Variants in ZNF331 observed in about 807,000 individuals in gnomAD.
The protein encoded by ZNF331 is C2H2-like zinc finger protein rearranged in thyroid adenomas.
In ZNF331, 2 loss-of-function variants were observed where a neutral mutation model predicts 7.0. The ratio of observed to expected loss-of-function variants is 0.29; its 90% CI spans 0.12 to 0.90. The LOEUF (loss-of-function observed/expected upper bound fraction) is 0.90, where lower values mean the gene tolerates loss of function less well. ZNF331 is among the 40% of genes least tolerant of loss of function. The probability of loss-of-function intolerance (pLI) is 0.58; values close to 1 mark genes in which losing one functional copy is unlikely to be tolerated. For synonymous variants in ZNF331, 196 were observed against 205.4 expected, an observed-to-expected ratio of 0.95 and a Z score of 0.39; for missense variants, 432 against 587.7, an observed-to-expected ratio of 0.74 and a Z score of 2.74.
rs181309008 is a variant in ZNF331 at position 53,548,182 on chromosome 19, C to T, written c.-137-7663C>T. On this transcript the variant is annotated intron_variant, in intron 2 of 5. Transcript: ENST00000449416. ...GGAGTGCAGTGGCGTGATCTCGGCTCACTGCAACCTCCGCCTCCCGGGTTC... is the reference window on the plus strand; with the variant it reads ...GGAGTGCAGTGGCGTGATCTCGGCTTACTGCAACCTCCGCCTCCCGGGTTC... 1.7e-3 allele frequency among the ~76,000 whole-genome samples: 254 copies of T among 152,138 alleles called. 8 individuals carry two copies. The East Asian group carries it at 0.046, about 27-fold the overall frequency.
rs148864558 is a variant in ZNF331 at position 53,556,887 on chromosome 19, C to T, written c.-74+979C>T. On this transcript the variant is annotated intron_variant, in intron 3 of 5. Transcript: ENST00000449416. ...GTGGCACAATCTTGGCTCACTTCAA[C>T]CTCTGCTTTCTGGGCTCAAGCAATC... Among the ~76,000 whole-genome samples the T allele has an allele frequency of 6.8e-4, 103 of 151,656 alleles. 2 individuals are homozygous for T. The highest frequency in any genetic ancestry group is 5.8e-3 in the South Asian group (28 of 4,814).
chr19:53,551,493 T>C (rs140414382), intron 2 of ZNF331, among the ~76,000 whole-genome samples: 392 of 152,244 alleles, frequency 2.6e-3, no homozygotes, highest in Non-Finnish European at 4.4e-3. Context: ...CAGTGATCTT[T>C]GTCTTGTTTT....
chr19:53,559,425 A>G (rs1256168560), intron 3 of ZNF331, among the ~76,000 whole-genome samples: 2 of 150,498 alleles, frequency 1.3e-5, no homozygotes, highest in Admixed American at 1.3e-4. Context: ...CACATCGTAC[A>G]CACACACCAT....
chr19:53,573,068 A>C lies in ZNF331; in HGVS notation c.136+1338A>C, dbSNP rs2090540952. On this transcript the variant is annotated intron_variant, in intron 5 of 5. Coordinates refer to ENST00000449416, the MANE Select transcript of ZNF331 (RefSeq NM_001079906.2). This position sits in a 1 kb window ranked among gnomAD's most constrained non-coding sequence, Gnocchi z 4.2. ...ACCCTGTCTCTACTAAAAATATAAA[A>C]ATTAGCCGGGCATGGTGGCGCACGC... Among the ~76,000 whole-genome samples the C allele has an allele frequency of 6.6e-6, 1 of 152,052 alleles. No homozygotes were observed. Among genetic ancestry groups the C allele is most frequent in the Non-Finnish European group, 1.5e-5 (1 of 68,032 alleles).
chr19:53,513,013 G>C, the ZNF331 span, among the ~76,000 whole-genome samples: 2 of 151,758 alleles, frequency 1.3e-5, no homozygotes, highest in Admixed American at 6.6e-5. Context: ...TCGTTCCCAC[G>C]GACCATGCTC....
chr19:53,562,804 A>G (rs1421177007), intron 3 of ZNF331, among the ~76,000 whole-genome samples: 3 of 151,932 alleles, frequency 2.0e-5, no homozygotes, highest in Non-Finnish European at 4.4e-5. Context: ...ACTGGCCAAC[A>G]TGGTGAAACC....
rs73051595 is a variant in ZNF331 at position 53,578,264 on chromosome 19, C to T, written c.*312C>T. On this transcript the variant is annotated 3_prime_UTR_variant, in exon 6 of 6. Coordinates refer to ENST00000449416, the MANE Select transcript of ZNF331 (RefSeq NM_001079906.2). ...CAGCATCACAGTGCCTGTGCCCAAG[C>T]AGTCCTCACTTTGCTTAACAGTGGC... 16,830 of 335,674 alleles carry T rather than the reference C, an allele frequency of 0.05. 518 individuals carry two copies. The highest frequency in any genetic ancestry group is 0.065 in the Non-Finnish European group (11,692 of 179,952). 20.8% of individuals were successfully genotyped at this position (335,674 alleles called of 1,614,324 possible). A position where few individuals can be genotyped will look rare whatever the true frequency, so the allele number is the denominator to read the frequency against.
At chr19:53,509,696 G>T in the ZNF331 span, among the ~76,000 whole-genome samples, 1 of 152,182 alleles carries the variant, frequency 6.6e-6, no homozygotes, top group African/African-American at 2.4e-5. Flanking sequence ...TGGTAGGGCT[G>T]ATCTGCAGAG....
Position 53,539,679 on chromosome 19 carries a change from A to T in ZNF331, c.-138+397A>T, listed in dbSNP as rs1195906854. ...TCCAAGGGACATTCTGTGTATATTT[A>T]CTGTATGTGATTATCAGTGTTAGTG... On this transcript the variant is annotated intron_variant, in intron 2 of 5. Transcript: ENST00000449416. This position sits in a 1 kb window ranked among gnomAD's most constrained non-coding sequence, Gnocchi z 6.1. 6.6e-6 allele frequency among the ~76,000 whole-genome samples: 1 copy of T among 152,116 alleles called. No homozygotes were observed. The highest frequency in any genetic ancestry group is 1.9e-4 in the East Asian group (1 of 5,190).
intron 4 of ZNF331, among the ~76,000 whole-genome samples, chr19:53,570,730 G>A (rs745359829): frequency 5.9e-5 from 9 of 151,686 alleles, no homozygotes; most frequent in Non-Finnish European, 8.8e-5. Flanking sequence ...CGAGGTTTCT[G>A]CATGTTGGTC....
chr19:53,568,530 C>G (rs1211480933), intron 3 of ZNF331, among the ~76,000 whole-genome samples: 3 of 152,082 alleles, frequency 2.0e-5, no homozygotes, highest in Non-Finnish European at 4.4e-5. Context: ...AAGCTCCTAC[C>G]CCGAATCCCT....
the ZNF331 span, among the ~76,000 whole-genome samples, chr19:53,506,456 C>CTCTCTCTCTCTCTG: frequency 1.8e-4 from 18 of 102,020 alleles, no homozygotes; most frequent in Non-Finnish European, 2.1e-4. Flanking sequence ...CTCTCTCTCT[C>CTCTCTCTCTCTCTG]TCTCTCTCTC....
chr19:53,508,434 A>G, the ZNF331 span, among the ~76,000 whole-genome samples: 1 of 152,188 alleles, frequency 6.6e-6, no homozygotes, highest in Non-Finnish European at 1.5e-5. Context: ...TCTACTAAAA[A>G]TGGGCCAACT....
upstream of ZNF331, among the ~76,000 whole-genome samples, chr19:53,515,747 T>C (rs1381352222): frequency 6.6e-6 from 1 of 152,180 alleles, no homozygotes; most frequent in Non-Finnish European, 1.5e-5. Flanking sequence ...TCCGCCTTCC[T>C]CGGCCTCCCA....
At chr19:53,551,022 G>C (rs2088971554) in intron 2 of ZNF331, among the ~76,000 whole-genome samples, 1 of 151,346 alleles carries the variant, frequency 6.6e-6, no homozygotes. Context: ...TAGTAGAGAT[G>C]GGGTTTCACC....
intron 2 of ZNF331, among the ~76,000 whole-genome samples, chr19:53,541,522 C>G (rs1369763587): frequency 2.0e-5 from 3 of 152,144 alleles, no homozygotes; most frequent in African/African-American, 4.8e-5. Context: ...TCACAGCAGC[C>G]TCAATCTCCT....
In ZNF331 at chr19:53,558,925, CACAT is replaced by C. The variant is rs1471037950; in HGVS notation, c.-74+3021_-74+3024del. On this transcript the variant is annotated intron_variant, in intron 3 of 5. Transcript: ENST00000449416. This position sits in a 1 kb window ranked among gnomAD's most constrained non-coding sequence, Gnocchi z 4.5. ...CTATACACACCTACATATATACACA[CACAT>C]ACACACCATACACACATATACACAT... 3.0e-5 allele frequency among the ~76,000 whole-genome samples: 4 copies of C among 134,958 alleles called. No homozygotes were observed. The highest frequency in any genetic ancestry group is 6.4e-5 in the African/African-American group (2 of 31,122). The allele number at this position is 134,958 out of a possible 152,430, so 88.5% of individuals were successfully genotyped here.
chr19:53,559,306 C>T (rs1393555194), intron 3 of ZNF331, among the ~76,000 whole-genome samples: 4 of 150,754 alleles, frequency 2.7e-5, no homozygotes, highest in Admixed American at 6.6e-5. Flanking sequence ...TATACAAACA[C>T]ACCCCATGTA....
At chr19:53,527,183 T>TA (rs1045960561) in intron 2 of ZNF331, among the ~76,000 whole-genome samples, 3 of 150,454 alleles carry the variant, frequency 2.0e-5, no homozygotes, top group Non-Finnish European at 4.4e-5. Flanking sequence ...TCTTAAAAAA[T>TA]AAAAAAAAGG....
Sources: gnomAD v4.1 joint callset for allele counts (sites outside exome capture counted in the v4.1 genomes callset) on GRCh38, gnomAD v4.1.1 for gene constraint, Gnocchi (gnomAD v3.1) non-coding constraint, MANE v1.5 for transcripts, NCBI Gene and HGNC (gene_info 2026-07-23, HGNC 2026-07-21) for gene names.